CRACR2A: variants seen among roughly 807,000 people sequenced by gnomAD.
CRACR2A encodes the protein calcium release activated channel regulator 2A.
In CRACR2A, 79 loss-of-function variants were observed where a neutral mutation model predicts 90.5. The ratio of observed to expected loss-of-function variants is 0.87; its 90% CI spans 0.73 to 1.05. The LOEUF is 1.05. Among genes scored for constraint, CRACR2A ranks in the 50% least tolerant of loss-of-function variants. The pLI, the probability that CRACR2A is intolerant of heterozygous loss-of-function variation, is 0.00. For missense variants in CRACR2A, 823 were observed against 897.2 expected (o/e 0.92, Z 1.06); for synonymous variants, 338 against 356.7 (o/e 0.95, Z 0.59).
intron 10 of CRACR2A, among the ~76,000 whole-genome samples, chr12:3,653,388 A>G (rs1214678131): frequency 3.9e-5 from 6 of 152,262 alleles, no homozygotes; most frequent in African/African-American, 1.4e-4. Flanking sequence ...TGCCAAATGA[A>G]TAAGTCATTG....
chr12:3,738,210 T>C (rs999754026), intron 1 of CRACR2A, among the ~76,000 whole-genome samples: 3 of 152,374 alleles, frequency 2.0e-5, no homozygotes, highest in Admixed American at 6.5e-5. Flanking sequence ...AGTACCTAGA[T>C]GGACCTTACC....
chr12:3,679,469 A>T (rs914242927), intron 5 of CRACR2A, among the ~76,000 whole-genome samples: 5 of 152,096 alleles, frequency 3.3e-5, no homozygotes, highest in African/African-American at 1.2e-4. Context: ...AGAGGCTCCT[A>T]TTGTCATCCT....
intron 2 of CRACR2A, among the ~76,000 whole-genome samples, chr12:3,720,426 A>AGAAAGAAAGAAAGAAG (rs1946149191): frequency 1.2e-5 from 1 of 82,298 alleles, no homozygotes; most frequent in Non-Finnish European, 2.7e-5. Flanking sequence ...GAAGAAAGAA[A>AGAAAGAAAGAAAGAAG]GAAAGAAAGA....
chr12:3,694,527 G>T (rs1274487114), intron 4 of CRACR2A, among the ~76,000 whole-genome samples: 1 of 152,274 alleles, frequency 6.6e-6, no homozygotes, highest in African/African-American at 2.4e-5. Flanking sequence ...CCAACCAAAG[G>T]GGGTGACTGT....
chr12:3,733,439 G>T (rs57802053), intron 1 of CRACR2A, among the ~76,000 whole-genome samples: 21,575 of 152,110 alleles, frequency 0.14, 1,667 homozygotes, highest in Middle Eastern at 0.17. Context: ...CTTGCCAATG[G>T]GTAGGTTGGG....
At position 3,686,220 on chromosome 12, in the gene CRACR2A, C is replaced by CT. The variant is rs775329810; in HGVS notation, c.229-5872dup. Reference sequence around the variant, plus strand: ...TTAACCTAAATCAGGAGATAGCTGGCTTTTTCTGAAAACAGCCAGGGAGTG... The same window carrying CT: ...TTAACCTAAATCAGGAGATAGCTGGCTTTTTTCTGAAAACAGCCAGGGAGTG... On this transcript the variant is annotated intron_variant, in intron 4 of 19. Coordinates refer to ENST00000440314, the MANE Select transcript of CRACR2A (RefSeq NM_001144958.2). Among the ~76,000 whole-genome samples, 123 of 152,322 alleles carry CT rather than the reference C, an allele frequency of 8.1e-4. 2 individuals are homozygous for CT. Among genetic ancestry groups the CT allele is most frequent in the South Asian group, 6.2e-4 (3 of 4,830 alleles).
intron 1 of CRACR2A, among the ~76,000 whole-genome samples, chr12:3,743,343 C>T (rs1463120544): frequency 6.6e-6 from 1 of 152,214 alleles, no homozygotes; most frequent in East Asian, 1.9e-4. Flanking sequence ...CTATATCAGA[C>T]TTTTAAACTG....
intron 2 of CRACR2A, among the ~76,000 whole-genome samples, chr12:3,716,755 T>C (rs991348707): frequency 6.6e-5 from 10 of 152,154 alleles, no homozygotes; most frequent in African/African-American, 2.4e-4. Flanking sequence ...CTCTACAAAT[T>C]TGTTGTTTGT....
intron 3 of CRACR2A, among the ~76,000 whole-genome samples, chr12:3,704,693 G>T (rs1945889043): frequency 1.3e-5 from 2 of 152,132 alleles, no homozygotes; most frequent in African/African-American, 4.8e-5. Context: ...CTTATCCCAG[G>T]AGCCTGATTC....
rs144369771 is a variant in CRACR2A, at chr12:3,711,469, G to C, written c.-37+1768C>G. Among the ~76,000 whole-genome samples, 136 of 152,292 alleles carry C rather than the reference G, an allele frequency of 8.9e-4. 2 individuals carry two copies. Among genetic ancestry groups the C allele is most frequent in the African/African-American group, 3.0e-3 (125 of 41,566 alleles). ...ACTGATGTGAGCACAACTTAGCCAA[G>C]TTCTTTGCCACTTTATAACAAGACT... On this transcript the variant is annotated intron_variant, in intron 3 of 19. Transcript: ENST00000440314. This position sits in a 1 kb window ranked among gnomAD's most constrained non-coding sequence, Gnocchi z 4.3.
chr12:3,643,666 G>T (rs1944613981), intron 12 of CRACR2A, among the ~76,000 whole-genome samples: 1 of 146,910 alleles, frequency 6.8e-6, no homozygotes, highest in Admixed American at 7.0e-5. Context: ...ATAAATATAG[G>T]ATTTCATGTC....
At chr12:3,737,713 A>C (rs1425127640) in intron 1 of CRACR2A, among the ~76,000 whole-genome samples, 1 of 152,172 alleles carries the variant, frequency 6.6e-6, no homozygotes, top group Non-Finnish European at 1.5e-5. Flanking sequence ...GGGAAGGAGC[A>C]GTTGAGGCCA....
At position 3,673,534 on chromosome 12, in the gene CRACR2A, A is replaced by G. The variant is rs1323026615; in HGVS notation, c.583T>C (p.Ser195Pro). Residue 195 changes from serine (S) to proline (P), a missense_variant, in exon 7 of 20, where the codon TCC becomes CCC. Ser to Pro is a moderately conservative substitution (Grantham distance 74). Coordinates refer to ENST00000440314, the MANE Select transcript of CRACR2A (RefSeq NM_001144958.2). ...QLKKEEPHLL[S>P]NFEDFLTRII... The stretch of plus-strand genomic sequence containing the variant: ...CTGGTCAGGAAGTCTTCAAAGTTGG[A>G]CAGTAAATGAGGTTCCTCCTTCTTC... 3 of 1,614,062 alleles carry G rather than the reference A, an allele frequency of 1.9e-6. No individual in the cohort carries two copies. The highest frequency in any genetic ancestry group is 1.7e-6 in the Non-Finnish European group (2 of 1,180,014).
intron 1 of CRACR2A, among the ~76,000 whole-genome samples, chr12:3,750,603 G>C (rs937039416): frequency 1.3e-5 from 2 of 152,178 alleles, no homozygotes; most frequent in Admixed American, 6.5e-5. Flanking sequence ...TCTCACCTAA[G>C]GTATCATGGC....
intron 13 of CRACR2A, among the ~76,000 whole-genome samples, chr12:3,640,958 G>A (rs536468485): frequency 4.3e-4 from 66 of 152,214 alleles, no homozygotes; most frequent in Non-Finnish European, 8.5e-4. Context: ...TCAAGCACAA[G>A]CCCTAGCCTT....
rs1291523859 is a variant in CRACR2A, at chr12:3,638,437, T to C, written c.1289A>G (p.Glu430Gly). The C allele has an allele frequency of 2.6e-6, 4 of 1,543,240 alleles. No homozygotes were observed. The highest frequency in any genetic ancestry group is 4.0e-5 in the Admixed American group (2 of 50,416). ...TCTCCTTGGGATGCCAAACACCTCC[T>C]CCTCCTCCTCTGACTGGCTACTGGG... ...GILRSQSEEE[E>G]EVFGIPRRSS... Residue 430 changes from glutamate to glycine, a missense_variant, in exon 14 of 20, where the codon GAG becomes GGG. Transcript: ENST00000440314.
chr12:3,632,262 A>G (rs113689632), intron 15 of CRACR2A, among the ~76,000 whole-genome samples: 7,529 of 152,288 alleles, frequency 0.049, 283 homozygotes, highest in Non-Finnish European at 0.078. Context: ...CTTCCTGTAC[A>G]GCCTGCAGAA....
At chr12:3,670,622 T>TA (rs1945222128) in intron 7 of CRACR2A, among the ~76,000 whole-genome samples, 2 of 152,142 alleles carry the variant, frequency 1.3e-5, no homozygotes, top group African/African-American at 4.8e-5. Context: ...CCACCTTTTT[T>TA]TAAAAAATAG....
At chr12:3,703,554 G>T (rs903113808) in intron 3 of CRACR2A, among the ~76,000 whole-genome samples, 9 of 152,166 alleles carry the variant, frequency 5.9e-5, no homozygotes, top group African/African-American at 2.2e-4. Context: ...CAATTCATTT[G>T]AAAAAAATAC....
Sources: gnomAD v4.1 joint callset for allele counts (sites outside exome capture counted in the v4.1 genomes callset) on GRCh38, gnomAD v4.1.1 for gene constraint, Gnocchi (gnomAD v3.1) non-coding constraint, MANE v1.5 for transcripts, NCBI Gene and HGNC (gene_info 2026-07-23, HGNC 2026-07-21) for gene names.